Variants in ATP6V0A4 observed in about 807,000 individuals in gnomAD.
ATP6V0A4 encodes the protein ATPase H+ transporting V0 subunit a4, also known as V-type proton ATPase 116 kDa subunit a 4.
ATP6V0A4 carries 86 observed loss-of-function variants against 107.3 expected under a neutral mutation model. The ratio of observed to expected loss-of-function variants is 0.80; its 90% confidence interval spans 0.67 to 0.96. The LOEUF is 0.96. Ranked by LOEUF, ATP6V0A4 falls within the 40% of genes least tolerant of loss-of-function variation. ATP6V0A4 has a pLI of 0.00. For synonymous variants in ATP6V0A4, 353 were observed against 381.4 expected, an observed-to-expected ratio of 0.93 and a Z score of 0.87; for missense variants, 908 against 1,045.6, an observed-to-expected ratio of 0.87 and a Z score of 1.81.
At chr7:138,772,921 G>A (rs1807467431) in intron 2 of ATP6V0A4, among the ~76,000 whole-genome samples, 1 of 152,132 alleles carries the variant, frequency 6.6e-6, no homozygotes, top group Admixed American at 6.6e-5. Context: ...GGAAGAAAGT[G>A]AAGCTCTTTC....
intron 16 of ATP6V0A4, chr7:138,733,300 T>G (rs1805125017): frequency 2.5e-6 from 1 of 396,668 alleles, no homozygotes; most frequent in Non-Finnish European, 3.2e-6. Context: ...TACTGGAAAG[T>G]GCTTTTGCAC....
chr7:138,725,848 A>G (rs1804684499), intron 18 of ATP6V0A4, among the ~76,000 whole-genome samples: 2 of 151,786 alleles, frequency 1.3e-5, no homozygotes, highest in African/African-American at 4.8e-5. Context: ...CCATTTCTCG[A>G]TTTAAGTGCT....
chr7:138,714,340 G>A (rs1246378860), intron 20 of ATP6V0A4, among the ~76,000 whole-genome samples: 1 of 151,930 alleles, frequency 6.6e-6, no homozygotes, highest in Admixed American at 6.6e-5. Flanking sequence ...ACTGGAGAAG[G>A]ACCCAGAGAT....
At chr7:138,764,250 G>T (rs996563348) in intron 5 of ATP6V0A4, among the ~76,000 whole-genome samples, 16 of 151,854 alleles carry the variant, frequency 1.1e-4, no homozygotes, top group Non-Finnish European at 2.4e-4. Flanking sequence ...GGAGGGGTGA[G>T]GAGGGGCACA....
chr7:138,762,794 A>G, intron 6 of ATP6V0A4, 106 bp downstream of exon 6: 1 of 1,327,854 alleles, frequency 7.5e-7, no homozygotes, highest in South Asian at 1.2e-5. Context: ...TAGCCATGGA[A>G]CAGAAACAGA....
At chr7:138,718,101 G>GGTACAGTCA (rs1213723131) in intron 19 of ATP6V0A4, among the ~76,000 whole-genome samples, 1 of 117,594 alleles carries the variant, frequency 8.5e-6, no homozygotes, top group African/African-American at 3.2e-5. Flanking sequence ...GGAATGGGGG[G>GGTACAGTCA]CGGGGGTGCA....
intron 1 of ATP6V0A4, among the ~76,000 whole-genome samples, chr7:138,797,311 G>A (rs1018707685): frequency 5.4e-5 from 8 of 148,384 alleles, no homozygotes; most frequent in African/African-American, 2.0e-4. Flanking sequence ...TCTGTCTTCC[G>A]GGTTCAAGCG....
chr7:138,726,558 G>A (rs1804735385), intron 18 of ATP6V0A4, among the ~76,000 whole-genome samples: 1 of 152,216 alleles, frequency 6.6e-6, no homozygotes, highest in Admixed American at 6.5e-5. Context: ...TAATAGACAG[G>A]ACCCCTGTTC....
chr7:138,780,639 C>T (rs1807876074), intron 2 of ATP6V0A4, among the ~76,000 whole-genome samples: 1 of 152,184 alleles, frequency 6.6e-6, no homozygotes, highest in African/African-American at 2.4e-5. Flanking sequence ...ATCCCTGCCA[C>T]CATAGCCACT....
chr7:138,747,314 T>A, intron 13 of ATP6V0A4, 111 bp downstream of exon 13: 1 of 1,383,696 alleles, frequency 7.2e-7, no homozygotes, highest in Non-Finnish European at 1.0e-6. Flanking sequence ...TTTTTTACTT[T>A]CCTTCTCTCC....
At chr7:138,759,722 G>A (rs1431360903) in intron 8 of ATP6V0A4, 30 bp downstream of exon 8, 1 of 1,613,576 alleles carries the variant, frequency 6.2e-7, no homozygotes, top group Admixed American at 1.7e-5. Flanking sequence ...GGAAGTCTCA[G>A]AGAAAGTTTT....
intron 13 of ATP6V0A4, among the ~76,000 whole-genome samples, chr7:138,746,353 G>A (rs1222121108): frequency 6.6e-6 from 1 of 151,970 alleles, no homozygotes; most frequent in African/African-American, 2.4e-5. Flanking sequence ...AAGTGCTGAC[G>A]TGTAACTCTG....
At position 138,762,419 on chromosome 7, in the gene ATP6V0A4, C is replaced by T. The variant is rs767434417; in HGVS notation, c.433G>A (p.Ala145Thr). 1 of 1,614,082 alleles carries T rather than the reference C, an allele frequency of 6.2e-7. No homozygotes were observed. The highest frequency in any genetic ancestry group is 8.5e-7 in the Non-Finnish European group (1 of 1,179,990). ...GTGTCCTCAGTAAAGAAATCATCAG[C>T]TAAATTGGTTTCCGTCTGAAAGTCA... The part of the protein sequence containing the change: ...QDFFETETNL[A>T]DDFFTEDTSG... Residue 145 changes from alanine to threonine, a missense_variant, in exon 7 of 22, where the codon GCT becomes ACT. Coordinates refer to ENST00000310018, the MANE Select transcript of ATP6V0A4 (RefSeq NM_020632.3).
chr7:138,778,428 TTATATA>T (rs56126323), intron 2 of ATP6V0A4, among the ~76,000 whole-genome samples: 2 of 147,924 alleles, frequency 1.4e-5, no homozygotes, highest in East Asian at 2.0e-4. Flanking sequence ...ACATCTCATT[TTATATA>T]TATATATATA....
intron 5 of ATP6V0A4, 42 bp from the exon 6 acceptor site, chr7:138,763,067 TATGACATTCCTGAAATACATTACCCACA>T (rs1806909914): frequency 6.2e-7 from 1 of 1,611,276 alleles, no homozygotes; most frequent in Non-Finnish European, 8.5e-7. Context: ...CAGAAAGTGC[TATGACATTCCTGAAATACATTACCCACA>T]ACAGATGACT....
chr7:138,785,315 G>A (rs553340854), intron 2 of ATP6V0A4, among the ~76,000 whole-genome samples: 4 of 139,890 alleles, frequency 2.9e-5, no homozygotes, highest in East Asian at 2.1e-4. Flanking sequence ...TTGCTCTGTC[G>A]CCCAGTCTGG....
chr7:138,715,242 C>T (rs1055939677), intron 20 of ATP6V0A4, among the ~76,000 whole-genome samples: 9 of 152,144 alleles, frequency 5.9e-5, no homozygotes, highest in African/African-American at 2.2e-4. Context: ...CACTCTGTAG[C>T]CCAGGGTGGA....
chr7:138,786,915 GA>G lies in ATP6V0A4; in HGVS notation c.-120-656del, dbSNP rs568867439. 1.0e-3 allele frequency among the ~76,000 whole-genome samples: 153 copies of G among 150,638 alleles called. 1 individual carries two copies. The highest frequency in any genetic ancestry group is 2.4e-3 in the Admixed American group (36 of 15,146). On this transcript the variant is annotated intron_variant, in intron 1 of 21. Transcript: ENST00000310018. ...ATTTCCACCTCCACTTTCTAAAAAA[GA>G]AAAAAAAAGAATTTAAATGTACTAT...
chr7:138,721,559 T>C (rs951535530), intron 19 of ATP6V0A4, among the ~76,000 whole-genome samples: 1 of 152,066 alleles, frequency 6.6e-6, no homozygotes, highest in Non-Finnish European at 1.5e-5. Context: ...AGAGAGCTTA[T>C]AGGGGCGTGG....
Sources: gnomAD v4.1 joint callset for allele counts (sites outside exome capture counted in the v4.1 genomes callset) on GRCh38, gnomAD v4.1.1 for gene constraint, MANE v1.5 for transcripts, NCBI Gene and HGNC (gene_info 2026-07-23, HGNC 2026-07-21) for gene names.